The following CCDC85A variants were observed in gnomAD, a reference collection of about 807,000 sequenced individuals.
CCDC85A encodes the protein coiled-coil domain-containing protein 85A.
Under a neutral mutation model 50.2 loss-of-function variants are expected in CCDC85A, and 38 were observed. That is an observed-to-expected ratio of 0.76 (90% CI 0.58 to 0.99). The LOEUF is 0.99. Ranked by LOEUF, CCDC85A falls within the 50% of genes least tolerant of loss-of-function variation. CCDC85A has a pLI of 0.00. For synonymous variants in CCDC85A, 366 were observed against 301.4 expected (o/e 1.21, Z -2.22); for missense variants, 820 against 742.0 (o/e 1.11, Z -1.22).
At chr2:56,342,696 C>A (rs187638988) in intron 2 of CCDC85A, among the ~76,000 whole-genome samples, 183 bp from the exon 3 acceptor site, 1 of 152,018 alleles carries the variant, frequency 6.6e-6, no homozygotes, top group Non-Finnish European at 1.5e-5. Flanking sequence ...TAAAATTGTT[C>A]AAAACTGTTT....
intron 1 of CCDC85A, among the ~76,000 whole-genome samples, chr2:56,189,406 C>G (rs1056377477): frequency 6.7e-6 from 1 of 149,616 alleles, no homozygotes; most frequent in Non-Finnish European, 1.5e-5. Context: ...ATTCTCCTGC[C>G]TCAGGTTCCT....
chr2:56,194,608 C>G (rs982761513), intron 2 of CCDC85A, among the ~76,000 whole-genome samples: 2 of 152,172 alleles, frequency 1.3e-5, no homozygotes, highest in Non-Finnish European at 2.9e-5. Flanking sequence ...TGTTGGATTC[C>G]ATTTTATCCT....
chr2:56,318,513 A>G (rs921362483), intron 2 of CCDC85A, among the ~76,000 whole-genome samples: 2 of 151,818 alleles, frequency 1.3e-5, no homozygotes, highest in Non-Finnish European at 1.5e-5. Flanking sequence ...ATTTTTGTTT[A>G]TTTTCTTGTT....
intron 3 of CCDC85A, among the ~76,000 whole-genome samples, chr2:56,358,847 C>G (rs184108523): frequency 6.6e-6 from 1 of 151,706 alleles, no homozygotes; most frequent in Non-Finnish European, 1.5e-5. Flanking sequence ...TACAGTGGCA[C>G]GATCTTGGCT....
chr2:56,381,979 G>C (rs1261268685), intron 5 of CCDC85A, among the ~76,000 whole-genome samples: 1 of 151,888 alleles, frequency 6.6e-6, no homozygotes, highest in Non-Finnish European at 1.5e-5. Flanking sequence ...ACCTTTAAAA[G>C]TTCTCTAGGA....
intron 3 of CCDC85A, among the ~76,000 whole-genome samples, chr2:56,351,554 T>A (rs1329881526): frequency 2.8e-5 from 4 of 141,516 alleles, no homozygotes; most frequent in Admixed American, 2.8e-4. Context: ...CTAACTGGTG[T>A]GAGATGGTAT....
In CCDC85A at chr2:56,375,856, G is replaced by A. The variant is rs769536086; in HGVS notation, c.1493G>A (p.Ser498Asn). 10 of 1,613,630 alleles carry A rather than the reference G, an allele frequency of 6.2e-6. No homozygotes were observed. In the African/African-American group the frequency reaches 1.3e-4, roughly 22 times the overall value. Residue 498 changes from serine to asparagine, a missense_variant, in exon 5 of 6, where the codon AGT (serine) becomes AAT (asparagine). Physicochemically the swap from Ser to Asn is conservative, Grantham distance 46 (BLOSUM62 1). Transcript: ENST00000407595. The stretch of plus-strand genomic sequence containing the variant: ...TCATCAGGGGCTGATGGGAGTAACA[G>A]TTCACCCAACTCTGCAGCTAGCTTC... ...RLSSGADGSN[S>N]SPNSAASFSG...
intron 2 of CCDC85A, among the ~76,000 whole-genome samples, chr2:56,267,530 A>C (rs546435105): frequency 2.9e-4 from 44 of 152,324 alleles, no homozygotes; most frequent in African/African-American, 1.0e-3. Context: ...CCTTGAGTTC[A>C]TTCTGACTGG....
chr2:56,270,381 A>C (rs1670646174), intron 2 of CCDC85A, among the ~76,000 whole-genome samples: 1 of 152,226 alleles, frequency 6.6e-6, no homozygotes, highest in Admixed American at 6.5e-5. Context: ...AGTCATGTAG[A>C]ATGTTGCCAC....
At position 56,193,540 on chromosome 2, in the gene CCDC85A, T is replaced by C. The variant is rs558694863; in HGVS notation, c.1240+100T>C. On this transcript the variant is annotated intron_variant, in intron 2 of 5. Transcript: ENST00000407595. ...CAGCCATGTAAGAAAGTGCAGGCGC[T>C]AGCTAGGGAGTGGGTTTGGGGAAGG... The C allele has an allele frequency of 2.2e-6, 3 of 1,336,574 alleles. No homozygotes were observed. The East Asian group carries it at 7.5e-5, about 33-fold the overall frequency. 82.8% of individuals were successfully genotyped at this position (1,336,574 alleles called of 1,614,324 possible).
intron 2 of CCDC85A, among the ~76,000 whole-genome samples, chr2:56,335,232 C>A (rs1674013242): frequency 6.6e-6 from 1 of 151,982 alleles, no homozygotes; most frequent in Non-Finnish European, 1.5e-5. Context: ...TTGTTCAGAA[C>A]AGTAATAATT....
intron 3 of CCDC85A, among the ~76,000 whole-genome samples, chr2:56,361,981 G>A (rs946849216): frequency 6.6e-6 from 1 of 152,152 alleles, no homozygotes; most frequent in Non-Finnish European, 1.5e-5. Flanking sequence ...GTAGGGTGGA[G>A]ATGGTGAGGA....
rs1044925851 is a variant in CCDC85A, at chr2:56,202,994, C to T, written c.1240+9554C>T. On this transcript the variant is annotated intron_variant, in intron 2 of 5. Transcript: ENST00000407595. ...AGGAAGAGAGAGTGAAAATAACAGA[C>T]GAAGGCAATTGTGAGACATCAGTTT... 4.6e-5 allele frequency among the ~76,000 whole-genome samples: 7 copies of T among 152,114 alleles called. No individual in the cohort carries two copies. In the South Asian group the frequency reaches 8.3e-4, roughly 18 times the overall value.
intron 3 of CCDC85A, among the ~76,000 whole-genome samples, chr2:56,358,627 T>C (rs1206960194): frequency 1.3e-5 from 2 of 152,188 alleles, no homozygotes; most frequent in Admixed American, 6.5e-5. Flanking sequence ...ACAGAGAACA[T>C]GTAAATGAAC....
rs1277743314 is a variant in CCDC85A at position 56,192,663 on chromosome 2, CAGG to C, written c.468_470del (p.Glu157del). On this transcript the variant is annotated inframe_deletion, in exon 2 of 6. Transcript: ENST00000407595. The surrounding 1 kb of genome is among the most constrained non-coding windows in gnomAD (Gnocchi z 4.7). The stretch of plus-strand genomic sequence containing the variant: ...GAAGCTGAAAGACCTGGAGGTGAAG[CAGG>C]AGGAAGTGGTGAAGGAGAACATGGA... 6.2e-7 allele frequency: 1 copy of C among 1,613,700 alleles called. No homozygotes were observed. The highest frequency in any genetic ancestry group is 1.3e-5 in the African/African-American group (1 of 74,854).
chr2:56,203,462 T>C (rs1676828741), intron 2 of CCDC85A, among the ~76,000 whole-genome samples: 1 of 152,172 alleles, frequency 6.6e-6, no homozygotes, highest in Non-Finnish European at 1.5e-5. Flanking sequence ...GGTTTTCATC[T>C]TTAATTTCTT....
intron 2 of CCDC85A, among the ~76,000 whole-genome samples, chr2:56,254,685 A>G (rs2104002610): frequency 6.6e-6 from 1 of 152,318 alleles, no homozygotes. Flanking sequence ...ACAAATAAAT[A>G]ACACTGATGT....
intron 3 of CCDC85A, among the ~76,000 whole-genome samples, chr2:56,359,531 C>T (rs1411196299): frequency 6.6e-6 from 1 of 152,184 alleles, no homozygotes; most frequent in Non-Finnish European, 1.5e-5. Context: ...ATGGCACAGG[C>T]TTATCTTTAA....
rs1676739921 is a variant in CCDC85A at position 56,384,487 on chromosome 2, C to T, written c.*132C>T. ...TGGAGTGATTGTACATTGCACATAT[C>T]TCCCCTCTAAAACCTGTAGTACAAC... On this transcript the variant is annotated 3_prime_UTR_variant, in exon 6 of 6. Transcript: ENST00000407595. 1 of 699,066 alleles carries T rather than the reference C, an allele frequency of 1.4e-6. No individual in the cohort carries two copies. Among genetic ancestry groups the T allele is most frequent in the African/African-American group, 1.8e-5 (1 of 55,812 alleles). 43.3% of individuals were successfully genotyped at this position (699,066 alleles called of 1,614,324 possible).
Sources: allele counts gnomAD v4.1 joint callset (sites outside exome capture counted in the v4.1 genomes callset), GRCh38; gene constraint gnomAD v4.1.1; non-coding constraint Gnocchi (gnomAD v3.1); transcripts MANE v1.5; gene names NCBI Gene and HGNC (gene_info 2026-07-23, HGNC 2026-07-21).